Variants in LRRC31 observed in about 807,000 individuals in gnomAD.
LRRC31 encodes the protein leucine-rich repeat-containing protein 31.
In LRRC31, 35 loss-of-function variants were observed where a neutral mutation model predicts 46.7. That is an observed-to-expected ratio of 0.75 (90% CI 0.57 to 0.99). LRRC31 has a LOEUF of 0.99. Among genes scored for constraint, LRRC31 ranks in the 50% least tolerant of loss-of-function variants. LRRC31 has a pLI of 0.00. For missense variants in LRRC31, 613 were observed against 626.1 expected, an observed-to-expected ratio of 0.98 and a Z score of 0.22; for synonymous variants, 236 against 235.1, an observed-to-expected ratio of 1.00 and a Z score of -0.03.
chr3:169,860,751 A>G, intron 2 of LRRC31, 23 bp from the exon 3 acceptor site: 1 of 1,608,794 alleles, frequency 6.2e-7, no homozygotes, highest in Admixed American at 1.7e-5. Flanking sequence ...AGAAGAAAAT[A>G]CAGATATGTG....
intron 1 of LRRC31, among the ~76,000 whole-genome samples, chr3:169,867,051 G>GTTTTTTTTTTTTTTTTTTTTTTTTTTTT (rs1426034836): frequency 1.0e-5 from 1 of 97,470 alleles, no homozygotes; most frequent in African/African-American, 8.6e-5. Flanking sequence ...TTTTTTGTTT[G>GTTTTTTTTTTTTTTTTTTTTTTTTTTTT]TTTGTTTGTT....
Position 169,848,307 on chromosome 3 carries a change from G to C in LRRC31, c.1160-20C>G. The stretch of plus-strand genomic sequence containing the variant: ...CTTCAGCTAAAAGTGATAACAATAC[G>C]AACAGCAGTAATTTAGGATTTCTTA... On this transcript the variant is annotated intron_variant, in intron 7 of 8. Transcript: ENST00000316428. 6.2e-7 allele frequency: 1 copy of C among 1,606,604 alleles called. No homozygotes were observed. Among genetic ancestry groups the C allele is most frequent in the Admixed American group, 1.7e-5 (1 of 59,758 alleles).
chr3:169,869,090 G>T (rs1470290369), intron 1 of LRRC31, among the ~76,000 whole-genome samples: 1 of 150,794 alleles, frequency 6.6e-6, no homozygotes, highest in African/African-American at 2.4e-5. Context: ...ACTAAAAGAG[G>T]CCTGGTGTGA....
At chr3:169,857,347 C>CATATATAT (rs1780991927) in intron 3 of LRRC31, among the ~76,000 whole-genome samples, 1 of 68,544 alleles carries the variant, frequency 1.5e-5, no homozygotes, top group African/African-American at 5.0e-5. Flanking sequence ...TATATATATA[C>CATATATAT]ACACACACAC....
At chr3:169,867,361 G>A (rs1240895206) in intron 1 of LRRC31, among the ~76,000 whole-genome samples, 4 of 148,952 alleles carry the variant, frequency 2.7e-5, no homozygotes, top group Admixed American at 6.7e-5. Context: ...GGATTCAAGC[G>A]ATTCTCCTGC....
intron 7 of LRRC31, among the ~76,000 whole-genome samples, chr3:169,850,747 G>A (rs917851693): frequency 2.0e-5 from 3 of 152,142 alleles, no homozygotes; most frequent in Non-Finnish European, 4.4e-5. Flanking sequence ...AAAGTTCTTG[G>A]AAAGGGGCCT....
chr3:169,848,338 C>G, intron 7 of LRRC31, 51 bp from the exon 8 acceptor site: 1 of 1,559,232 alleles, frequency 6.4e-7, no homozygotes, highest in East Asian at 2.3e-5. Context: ...TCTTACAGAT[C>G]ATAGGCTTTG....
intron 1 of LRRC31, among the ~76,000 whole-genome samples, chr3:169,867,223 A>G (rs1189938236): frequency 1.4e-5 from 2 of 146,708 alleles, no homozygotes; most frequent in Admixed American, 1.4e-4. Flanking sequence ...GCTAATTTTT[A>G]AACTATTTTC....
intron 6 of LRRC31, chr3:169,853,103 T>C (rs914711154): frequency 2.2e-5 from 9 of 412,200 alleles, no homozygotes; most frequent in African/African-American, 8.6e-5. Flanking sequence ...TATTTCACCA[T>C]GTAGTTTGGG....
At chr3:169,852,417 A>AC (rs1458434074) in intron 6 of LRRC31, among the ~76,000 whole-genome samples, 33 of 147,018 alleles carry the variant, frequency 2.2e-4, no homozygotes, top group African/African-American at 7.5e-4. Flanking sequence ...AAAAAAAAAA[A>AC]AAAAAAAAAA....
intron 3 of LRRC31, among the ~76,000 whole-genome samples, chr3:169,857,409 C>CATACACAT (rs1560630109): frequency 1.5e-5 from 1 of 65,976 alleles, no homozygotes; most frequent in Non-Finnish European, 3.0e-5. Flanking sequence ...CACACATATA[C>CATACACAT]ATATACATAT....
chr3:169,861,406 C>T (rs1781152066), intron 2 of LRRC31, among the ~76,000 whole-genome samples: 1 of 150,734 alleles, frequency 6.6e-6, no homozygotes, highest in African/African-American at 2.4e-5. Flanking sequence ...AAAGAAAAAA[C>T]CTACTCGGGA....
At chr3:169,848,827 G>A (rs1780678514) in intron 7 of LRRC31, among the ~76,000 whole-genome samples, 1 of 152,188 alleles carries the variant, frequency 6.6e-6, no homozygotes, top group African/African-American at 2.4e-5. Flanking sequence ...GGAATTCACT[G>A]TCCAACTGGG....
At chr3:169,867,093 C>T (rs1229214934) in intron 1 of LRRC31, among the ~76,000 whole-genome samples, 1 of 136,938 alleles carries the variant, frequency 7.3e-6, no homozygotes. Flanking sequence ...CTCTGTCACT[C>T]AGCCTGGAGT....
chr3:169,854,721 G>A, intron 6 of LRRC31, 92 bp downstream of exon 6: 1 of 954,562 alleles, frequency 1.0e-6, no homozygotes, highest in South Asian at 1.6e-5. Context: ...TTCAAAAGAA[G>A]TAAATTTAAG....
intron 1 of LRRC31, among the ~76,000 whole-genome samples, chr3:169,864,043 T>TA (rs2108228226): frequency 6.6e-6 from 1 of 152,158 alleles, no homozygotes; most frequent in South Asian, 2.1e-4. Context: ...TTTTGTATTT[T>TA]AAAAAATTTC....
At chr3:169,860,173 A>AATAC (rs1002558267) in intron 3 of LRRC31, among the ~76,000 whole-genome samples, 1 of 151,744 alleles carries the variant, frequency 6.6e-6, no homozygotes, top group African/African-American at 2.4e-5. Context: ...TAAATAAATA[A>AATAC]ATAAACTCCA....
At chr3:169,860,539 T>C (rs1781119575) in intron 3 of LRRC31, 22 bp downstream of exon 3, 3 of 1,613,462 alleles carry the variant, frequency 1.9e-6, no homozygotes, top group Admixed American at 1.7e-5. Context: ...AATCCATCTT[T>C]TAAGAAATGC....
Position 169,856,321 on chromosome 3 carries a change from C to G in LRRC31, c.823+15G>C. 2 of 1,508,050 alleles carry G rather than the reference C, an allele frequency of 1.3e-6. No homozygotes were observed. Among genetic ancestry groups the G allele is most frequent in the Non-Finnish European group, 1.8e-6 (2 of 1,120,360 alleles). 93.4% of individuals were successfully genotyped at this position (1,508,050 alleles called of 1,614,324 possible). On this transcript the variant is annotated intron_variant, in intron 5 of 8. Coordinates refer to ENST00000316428, the MANE Select transcript of LRRC31 (RefSeq NM_024727.4). ...ATTATACATGTAATCTTAAATCCAG[C>G]CATTGTTAACTCACCCAATATTTTG...
Sources: allele counts gnomAD v4.1 joint callset (sites outside exome capture counted in the v4.1 genomes callset), GRCh38; gene constraint gnomAD v4.1.1; transcripts MANE v1.5; gene names NCBI Gene and HGNC (gene_info 2026-07-23, HGNC 2026-07-21).